Variants in SLC24A3 observed in about 807,000 individuals in gnomAD.
SLC24A3 encodes the protein sodium/potassium/calcium exchanger 3.
Under a neutral mutation model 75.8 loss-of-function variants are expected in SLC24A3, and 28 were observed. The ratio of observed to expected loss-of-function variants is 0.37; its 90% CI spans 0.27 to 0.51. The LOEUF (loss-of-function observed/expected upper bound fraction) is 0.51. Ranked by LOEUF, SLC24A3 falls within the 20% of genes least tolerant of loss-of-function variation. The pLI is 0.94. For missense variants in SLC24A3, 663 were observed against 847.8 expected, an observed-to-expected ratio of 0.78 and a Z score of 2.71; for synonymous variants, 372 against 334.1, an observed-to-expected ratio of 1.11 and a Z score of -1.24.
At chr20:19,366,875 C>A (rs527767209) in intron 2 of SLC24A3, among the ~76,000 whole-genome samples, 1 of 152,056 alleles carries the variant, frequency 6.6e-6, no homozygotes, top group Non-Finnish European at 1.5e-5. Flanking sequence ...GATCTGCATA[C>A]CCTGCACCTG....
chr20:19,633,466 G>A (rs1416927142), intron 6 of SLC24A3, among the ~76,000 whole-genome samples: 1 of 151,832 alleles, frequency 6.6e-6, no homozygotes, highest in African/African-American at 2.4e-5. Flanking sequence ...CGGCTAAACC[G>A]GTGAAACCCC....
intron 2 of SLC24A3, among the ~76,000 whole-genome samples, chr20:19,346,386 A>T: frequency 7.2e-6 from 1 of 139,074 alleles, no homozygotes; most frequent in Non-Finnish European, 1.5e-5. Context: ...TATATATGGT[A>T]TATATATGGT....
At chr20:19,390,854 T>G (rs1269765523) in intron 2 of SLC24A3, among the ~76,000 whole-genome samples, 1 of 152,176 alleles carries the variant, frequency 6.6e-6, no homozygotes, top group Non-Finnish European at 1.5e-5. Context: ...AGGTGCAGAT[T>G]TGTAGCTCGG....
intron 6 of SLC24A3, among the ~76,000 whole-genome samples, chr20:19,589,466 CAA>C (rs2031342898): frequency 6.6e-6 from 1 of 152,076 alleles, no homozygotes; most frequent in Non-Finnish European, 1.5e-5. Context: ...AACCCCCAGG[CAA>C]AGAGATCTAG....
intron 3 of SLC24A3, among the ~76,000 whole-genome samples, chr20:19,533,301 G>C (rs534985991): frequency 6.6e-6 from 1 of 152,276 alleles, no homozygotes; most frequent in East Asian, 1.9e-4. Flanking sequence ...AGGCTGAATG[G>C]TTTACGCAGA....
intron 2 of SLC24A3, among the ~76,000 whole-genome samples, chr20:19,435,154 C>T (rs1416766927): frequency 1.3e-5 from 2 of 152,164 alleles, no homozygotes; most frequent in African/African-American, 4.8e-5. Flanking sequence ...AACAGGCTTC[C>T]AAGTAAGGCA....
At chr20:19,691,137 T>C (rs552976156) in intron 12 of SLC24A3, among the ~76,000 whole-genome samples, 2 of 152,192 alleles carry the variant, frequency 1.3e-5, no homozygotes, top group Non-Finnish European at 2.9e-5. Flanking sequence ...GAAACAACCC[T>C]GATGGTTTAA....
chr20:19,706,091 T>A (rs1047246701), intron 15 of SLC24A3, among the ~76,000 whole-genome samples: 30 of 151,924 alleles, frequency 2.0e-4, no homozygotes, highest in Admixed American at 2.0e-3. Flanking sequence ...GGAGGGAGGG[T>A]GTCTGTCTCT....
intron 3 of SLC24A3, among the ~76,000 whole-genome samples, chr20:19,539,323 T>G (rs1380446136): frequency 4.6e-5 from 7 of 152,152 alleles, no homozygotes; most frequent in Non-Finnish European, 7.4e-5. Flanking sequence ...TCCCCACCTC[T>G]GGGCAGCAGC....
chr20:19,696,872 G>A lies in SLC24A3; in HGVS notation c.1567G>A (p.Val523Met), dbSNP rs748611002. ...CACCTTCCTGGCTGCTGGGACCAGCGTGCCTGACTGCATGGCCAGCCTCAT... is the reference window on the plus strand; with the variant it reads ...CACCTTCCTGGCTGCTGGGACCAGCATGCCTGACTGCATGGCCAGCCTCAT... The part of the protein sequence containing the change: ...GITFLAAGTS[V>M]PDCMASLIVA... The change falls in exon 14 of 17, where the codon GTG becomes ATG. Residue 523 changes from valine to methionine, a missense_variant. By Grantham distance (21) the Val-to-Met change is conservative. Around this residue, in one of 2 missense-constraint regions of SLC24A3, gnomAD observed 510 missense variants for 703.6 expected, o/e 0.72. Coordinates refer to ENST00000328041, the MANE Select transcript of SLC24A3 (RefSeq NM_020689.4). The A allele has an allele frequency of 9.3e-6, 15 of 1,613,692 alleles. No individual in the cohort carries two copies. The highest frequency in any genetic ancestry group is 2.2e-5 in the East Asian group (1 of 44,834).
At chr20:19,696,714 G>A in intron 13 of SLC24A3, 83 bp from the exon 14 acceptor site, 1 of 898,808 alleles carries the variant, frequency 1.1e-6, no homozygotes, top group Non-Finnish European at 1.8e-6. Flanking sequence ...ACCATAGCCT[G>A]TTGTGAGTCT....
chr20:19,581,319 T>C (rs2031215627), intron 4 of SLC24A3, among the ~76,000 whole-genome samples: 1 of 152,208 alleles, frequency 6.6e-6, no homozygotes, highest in Non-Finnish European at 1.5e-5. Flanking sequence ...TGTTTTATTA[T>C]TCATGCAGAG....
At chr20:19,376,849 G>C (rs567419152) in intron 2 of SLC24A3, among the ~76,000 whole-genome samples, 1 of 152,182 alleles carries the variant, frequency 6.6e-6, no homozygotes. Flanking sequence ...GGGCAAAGAC[G>C]GCCAGGTGGA....
intron 2 of SLC24A3, among the ~76,000 whole-genome samples, chr20:19,419,715 C>A (rs1986884923): frequency 6.6e-6 from 1 of 152,092 alleles, no homozygotes; most frequent in Admixed American, 6.5e-5. Context: ...GGAGGCAGTG[C>A]TGGAAGCTGC....
intron 1 of SLC24A3, among the ~76,000 whole-genome samples, chr20:19,218,022 C>A (rs1252585250): frequency 6.6e-6 from 1 of 152,100 alleles, no homozygotes; most frequent in Non-Finnish European, 1.5e-5. Context: ...GGTCAGGGAC[C>A]CTATGAACTT....
intron 3 of SLC24A3, among the ~76,000 whole-genome samples, chr20:19,555,579 T>C (rs1568654787): frequency 6.6e-6 from 1 of 152,216 alleles, no homozygotes; most frequent in Non-Finnish European, 1.5e-5. Flanking sequence ...GCTTCTGCTG[T>C]AATGGCACCA....
At chr20:19,308,554 T>G (rs1193101809) in intron 2 of SLC24A3, among the ~76,000 whole-genome samples, 1 of 152,246 alleles carries the variant, frequency 6.6e-6, no homozygotes, top group East Asian at 1.9e-4. Context: ...AAGTCTCCCA[T>G]TCATTTACTG....
At chr20:19,673,462 A>G in intron 8 of SLC24A3, 139 bp from the exon 9 acceptor site, 1 of 691,080 alleles carries the variant, frequency 1.4e-6, no homozygotes, top group Non-Finnish European at 2.6e-6. Flanking sequence ...TCTCTAGACC[A>G]GGAAATATCC....
chr20:19,230,668 G>GGT (rs1416528976), intron 1 of SLC24A3, among the ~76,000 whole-genome samples: 1 of 143,448 alleles, frequency 7.0e-6, no homozygotes, highest in Non-Finnish European at 1.5e-5. Context: ...TGATGGGGGG[G>GGT]GTGCCCTTTA....
Sources: allele counts gnomAD v4.1 joint callset (sites outside exome capture counted in the v4.1 genomes callset), GRCh38; gene constraint gnomAD v4.1.1; regional missense constraint gnomAD v4.1.1; transcripts MANE v1.5; gene names NCBI Gene and HGNC (gene_info 2026-07-23, HGNC 2026-07-21).